Variants in ATG16L1 observed in about 807,000 individuals in gnomAD.
ATG16L1 encodes autophagy-related protein 16-1.
A neutral mutation model predicts 88.5 loss-of-function variants in ATG16L1; 37 were observed. The ratio of observed to expected loss-of-function variants is 0.42; its 90% CI spans 0.32 to 0.55. ATG16L1 has a LOEUF of 0.55. Among genes scored for constraint, ATG16L1 ranks in the 20% least tolerant of loss-of-function variants. The probability of loss-of-function intolerance (pLI) is 0.13; values close to 1 mark genes in which losing one functional copy is unlikely to be tolerated. For synonymous variants in ATG16L1, 301 were observed against 281.0 expected (o/e 1.07, Z -0.71); for missense variants, 554 against 752.8 (o/e 0.74, Z 3.09).
At chr2:233,252,854 C>A (rs556081594) in intron 1 of ATG16L1, among the ~76,000 whole-genome samples, 2 of 152,234 alleles carry the variant, frequency 1.3e-5, no homozygotes, top group South Asian at 4.1e-4. Flanking sequence ...TAAGGTGGTT[C>A]CATCTGCGTC....
intron 17 of ATG16L1, among the ~76,000 whole-genome samples, chr2:233,294,031 A>G (rs989115268): frequency 6.6e-6 from 1 of 151,968 alleles, no homozygotes; most frequent in Non-Finnish European, 1.5e-5. Flanking sequence ...GAGGGGCCAA[A>G]CTCCCTTCAT....
Position 233,281,146 on chromosome 2 carries a change from G to A in ATG16L1, c.1102G>A (p.Gly368Arg). 6.2e-7 allele frequency: 1 copy of A among 1,603,906 alleles called. No individual in the cohort carries two copies. Among genetic ancestry groups the A allele is most frequent in the Non-Finnish European group, 8.5e-7 (1 of 1,177,394 alleles). ...GGGTTCCCTATCTGGCAGTAATGCA[G>A]GAATTACAAGCATTGAATTTGATAG... ...FKGSLSGSNA[G>R]ITSIEFDSAG... Residue 368 changes from glycine to arginine, a missense_variant, in exon 11 of 18, where the codon GGA (glycine) becomes AGA (arginine). By Grantham distance (125) the Gly-to-Arg change is moderately radical (BLOSUM62 -2). Around this residue, in one of 5 missense-constraint regions of ATG16L1, gnomAD observed 370 missense variants for 509.7 expected, o/e 0.73. Coordinates refer to ENST00000392017, the MANE Select transcript of ATG16L1 (RefSeq NM_030803.7).
chr2:233,290,844 G>A (rs1001483426), intron 14 of ATG16L1, among the ~76,000 whole-genome samples: 5 of 152,298 alleles, frequency 3.3e-5, no homozygotes, highest in Non-Finnish European at 7.4e-5. Flanking sequence ...CCAGTGAGGG[G>A]GCTATGAGGG....
Position 233,264,322 on chromosome 2 carries a change from C to A in ATG16L1, c.389+257C>A, listed in dbSNP as rs191523830. On this transcript the variant is annotated intron_variant, in intron 4 of 17. Coordinates refer to ENST00000392017, the MANE Select transcript of ATG16L1 (RefSeq NM_030803.7). ...CTTGCAAGTGGCCCAGAGACACTAG[C>A]AGCTCTCCTGTGGCCGCTGTGTGTG... 5.6e-3 allele frequency among the ~76,000 whole-genome samples: 847 copies of A among 152,332 alleles called. 16 individuals carry two copies. The highest frequency in any genetic ancestry group is 0.02 in the African/African-American group (823 of 41,576).
In ATG16L1 at chr2:233,294,449, T is replaced by C. The variant is rs1235268433; in HGVS notation, c.*99T>C. ...GGCAGGTGATGTGCTGGGTATAGCA[T>C]GGACCTCCCAGAGAAGCTCAAGCTA... On this transcript the variant is annotated 3_prime_UTR_variant, in exon 18 of 18. Coordinates refer to ENST00000392017, the MANE Select transcript of ATG16L1 (RefSeq NM_030803.7). The C allele has an allele frequency of 2.3e-6, 2 of 880,812 alleles. No homozygotes were observed. The highest frequency in any genetic ancestry group is 2.6e-5 in the Admixed American group (1 of 37,974). 54.6% of individuals were successfully genotyped at this position (880,812 alleles called of 1,614,324 possible). A position where few individuals can be genotyped will look rare whatever the true frequency, so the allele number is the denominator to read the frequency against.
At chr2:233,271,662 C>G (rs1246392276) in intron 6 of ATG16L1, among the ~76,000 whole-genome samples, 1 of 152,212 alleles carries the variant, frequency 6.6e-6, no homozygotes, top group Non-Finnish European at 1.5e-5. Context: ...GATAACTTAG[C>G]AAATGCTAGT....
At chr2:233,285,640 T>G (rs1177658298) in intron 12 of ATG16L1, among the ~76,000 whole-genome samples, 1 of 152,230 alleles carries the variant, frequency 6.6e-6, no homozygotes, top group Admixed American at 6.5e-5. Context: ...GAGGCCTGTT[T>G]CAGCAGATTC....
intron 2 of ATG16L1, among the ~76,000 whole-genome samples, chr2:233,256,413 T>G (rs932256042): frequency 1.2e-4 from 19 of 152,362 alleles, no homozygotes; most frequent in African/African-American, 4.1e-4. Flanking sequence ...TGCTCTGAGC[T>G]TGAGAAATTT....
Position 233,277,593 on chromosome 2 carries a change from C to G in ATG16L1, c.980C>G (p.Ala327Gly). 6.2e-7 allele frequency: 1 copy of G among 1,614,098 alleles called. No homozygotes were observed. Among genetic ancestry groups the G allele is most frequent in the Middle Eastern group, 1.7e-4 (1 of 6,060 alleles). The change falls in exon 10 of 18, where the codon GCT (alanine) becomes GGT (glycine). Residue 327 changes from alanine (A) to glycine (G), a missense_variant. Physicochemically the swap from Ala to Gly is moderately conservative, Grantham distance 60. Transcript: ENST00000392017. ...GATGCACATGATGGGGAAGTCAACG[C>G]TGTGCAGTTCAGTCCAGGTTCCCGG... Reference protein sequence around the residue: ...VFDAHDGEVNAVQFSPGSRLL... With the variant: ...VFDAHDGEVNGVQFSPGSRLL...
chr2:233,263,051 A>C, intron 2 of ATG16L1, 79 bp from the exon 3 acceptor site: 1 of 1,215,262 alleles, frequency 8.2e-7, no homozygotes, highest in Admixed American at 1.9e-5. Context: ...TTCATTGCCT[A>C]ATTGGAAAGG....
chr2:233,261,399 G>A (rs78446401), intron 2 of ATG16L1, among the ~76,000 whole-genome samples: 9,953 of 152,224 alleles, frequency 0.065, 378 homozygotes, highest in Non-Finnish European at 0.071. Context: ...TTTTTAAAAG[G>A]TGGGGGAGAT....
chr2:233,267,743 G>T (rs1452795289), intron 5 of ATG16L1, among the ~76,000 whole-genome samples: 1 of 152,248 alleles, frequency 6.6e-6, no homozygotes, highest in Non-Finnish European at 1.5e-5. Flanking sequence ...CGTCAGCTGA[G>T]AGGCTGCTGG....
rs150099933 is a variant in ATG16L1 at position 233,255,581 on chromosome 2, T to C, written c.116-521T>C. On this transcript the variant is annotated intron_variant, in intron 1 of 17. Transcript: ENST00000392017. The stretch of plus-strand genomic sequence containing the variant: ...TTTCCTGTGTTGGCTCCAACCTTTA[T>C]TTCCAGCCACTTACCAAAAGACTCT... Among the ~76,000 whole-genome samples, 762 of 152,358 alleles carry C rather than the reference T, an allele frequency of 5.0e-3. 4 individuals are homozygous for C. The highest frequency in any genetic ancestry group is 0.017 in the African/African-American group (725 of 41,592).
chr2:233,282,904 G>A, intron 12 of ATG16L1, 151 bp downstream of exon 12: 1 of 650,678 alleles, frequency 1.5e-6, no homozygotes, highest in Non-Finnish European at 2.7e-6. Context: ...GGGGAAATCT[G>A]TGTTTCCACT....
chr2:233,256,626 T>C (rs1355961847), intron 2 of ATG16L1, among the ~76,000 whole-genome samples: 1 of 152,102 alleles, frequency 6.6e-6, no homozygotes, highest in Admixed American at 6.5e-5. Context: ...CCTTTTTAGG[T>C]TGGTGTTTTT....
At chr2:233,281,313 G>C (rs1559403451) in intron 11 of ATG16L1, 138 bp downstream of exon 11, 2 of 680,152 alleles carry the variant, frequency 2.9e-6, no homozygotes, top group Non-Finnish European at 2.4e-6. Flanking sequence ...AAGAAAGATG[G>C]AAATAGATTA....
At chr2:233,289,701 T>C (rs1037192969) in intron 12 of ATG16L1, among the ~76,000 whole-genome samples, 153 bp from the exon 13 acceptor site, 1 of 152,204 alleles carries the variant, frequency 6.6e-6, no homozygotes, top group Non-Finnish European at 1.5e-5. Context: ...CTGTTTCTTT[T>C]TCCTTTGCTG....
chr2:233,266,594 G>A (rs1697599760), intron 5 of ATG16L1, among the ~76,000 whole-genome samples: 1 of 152,190 alleles, frequency 6.6e-6, no homozygotes, highest in African/African-American at 2.4e-5. Flanking sequence ...CTTTTAAAGG[G>A]AATAAATGAC....
intron 14 of ATG16L1, 36 bp from the exon 15 acceptor site, chr2:233,292,092 C>T (rs1662354563): frequency 3.1e-6 from 5 of 1,607,332 alleles, no homozygotes; most frequent in Non-Finnish European, 4.3e-6. Flanking sequence ...TAGTTCTGGC[C>T]TACGTTACAT....
Sources: allele counts gnomAD v4.1 joint callset (sites outside exome capture counted in the v4.1 genomes callset), GRCh38; gene constraint gnomAD v4.1.1; regional missense constraint gnomAD v4.1.1; transcripts MANE v1.5; gene names NCBI Gene and HGNC (gene_info 2026-07-23, HGNC 2026-07-21).